The following TRABD2B variants were observed in gnomAD, a reference collection of about 807,000 sequenced individuals.
TRABD2B encodes the protein TraB domain containing 2B.
A neutral mutation model predicts 40.1 loss-of-function variants in TRABD2B; 14 were observed. The observed-to-expected ratio is 0.35, with a 90% CI of 0.23 to 0.55. The LOEUF (loss-of-function observed/expected upper bound fraction) is 0.55, where lower values mean the gene tolerates loss of function less well. TRABD2B is among the 20% of genes least tolerant of loss of function. The pLI, the probability that TRABD2B is intolerant of heterozygous loss-of-function variation, is 0.90. For missense variants in TRABD2B, 541 were observed against 648.6 expected (o/e 0.83, Z 1.80); for synonymous variants, 263 against 277.0 (o/e 0.95, Z 0.50).
At chr1:47,962,990 C>G (rs550495209) in intron 2 of TRABD2B, among the ~76,000 whole-genome samples, 1 of 152,348 alleles carries the variant, frequency 6.6e-6, no homozygotes, top group Admixed American at 6.5e-5. Context: ...TGGTTTACCT[C>G]TGAGTTGGAA....
chr1:47,911,052 C>T (rs571445267), intron 2 of TRABD2B, among the ~76,000 whole-genome samples: 46 of 152,330 alleles, frequency 3.0e-4, no homozygotes, highest in African/African-American at 9.4e-4. Flanking sequence ...TGAAAGGAGC[C>T]TGAACCCTCC....
intron 2 of TRABD2B, among the ~76,000 whole-genome samples, chr1:47,971,086 T>C (rs926632493): frequency 6.6e-6 from 1 of 152,220 alleles, no homozygotes; most frequent in Non-Finnish European, 1.5e-5. Flanking sequence ...CTAATGAAAT[T>C]TGATAGCACG....
At chr1:47,991,942 T>C (rs1446301428) in intron 2 of TRABD2B, among the ~76,000 whole-genome samples, 1 of 152,154 alleles carries the variant, frequency 6.6e-6, no homozygotes, top group African/African-American at 2.4e-5. Context: ...GGCTCCAGAA[T>C]CCCACCCTTC....
intron 2 of TRABD2B, among the ~76,000 whole-genome samples, chr1:47,947,054 C>T (rs1645269243): frequency 6.6e-6 from 1 of 151,992 alleles, no homozygotes; most frequent in Non-Finnish European, 1.5e-5. Context: ...TTTGTTGCAA[C>T]CCTGTTATGC....
chr1:47,935,864 C>T (rs781710135), intron 2 of TRABD2B, among the ~76,000 whole-genome samples: 20 of 152,168 alleles, frequency 1.3e-4, no homozygotes, highest in Non-Finnish European at 2.1e-4. Context: ...GGAAATAAAG[C>T]CACAGAAAAA....
intron 2 of TRABD2B, among the ~76,000 whole-genome samples, chr1:47,896,415 T>C (rs1051128277): frequency 6.6e-6 from 1 of 152,180 alleles, no homozygotes; most frequent in Non-Finnish European, 1.5e-5. Context: ...ACACTGATGA[T>C]GCAGACCCTG....
intron 2 of TRABD2B, among the ~76,000 whole-genome samples, chr1:47,826,550 C>T (rs778740163): frequency 3.0e-4 from 46 of 152,052 alleles, no homozygotes; most frequent in Non-Finnish European, 5.6e-4. Flanking sequence ...GGTGAAGGGA[C>T]GTTTCTAGGA....
chr1:47,915,738 G>A (rs987260558), intron 2 of TRABD2B, among the ~76,000 whole-genome samples: 11 of 152,132 alleles, frequency 7.2e-5, no homozygotes, highest in South Asian at 4.1e-4. Context: ...GGCTCCTCTC[G>A]CCTTTGGGGG....
chr1:47,966,263 A>G (rs909449239), intron 2 of TRABD2B, among the ~76,000 whole-genome samples: 3 of 149,644 alleles, frequency 2.0e-5, no homozygotes, highest in African/African-American at 7.3e-5. Flanking sequence ...AGAACCTCCA[A>G]TGTGACTCTG....
chr1:47,974,433 C>G (rs1281475443), intron 2 of TRABD2B, among the ~76,000 whole-genome samples: 2 of 152,154 alleles, frequency 1.3e-5, no homozygotes, highest in Non-Finnish European at 2.9e-5. Flanking sequence ...CCAAGGACAC[C>G]AAGCATCTGT....
At chr1:47,972,603 C>A (rs559617393) in intron 2 of TRABD2B, among the ~76,000 whole-genome samples, 1 of 152,270 alleles carries the variant, frequency 6.6e-6, no homozygotes, top group East Asian at 1.9e-4. Flanking sequence ...TACCAGAACC[C>A]GAACATGCTG....
intron 2 of TRABD2B, among the ~76,000 whole-genome samples, chr1:47,831,977 G>C (rs1391333407): frequency 6.6e-6 from 1 of 152,202 alleles, no homozygotes; most frequent in Admixed American, 6.5e-5. Context: ...CTATGGTCTG[G>C]AGCTTATGTT....
chr1:47,791,478 T>C (rs1455400235), intron 4 of TRABD2B, among the ~76,000 whole-genome samples: 5 of 152,184 alleles, frequency 3.3e-5, no homozygotes, highest in Non-Finnish European at 7.3e-5. Flanking sequence ...CCTGGTAGTA[T>C]AGACCCTTCC....
intron 2 of TRABD2B, among the ~76,000 whole-genome samples, chr1:47,822,408 C>A (rs891897918): frequency 3.9e-5 from 6 of 152,216 alleles, no homozygotes; most frequent in Admixed American, 2.6e-4. Context: ...CTCAAACAGG[C>A]TTTTCAGTAC....
chr1:47,824,772 C>T (rs538186453), intron 2 of TRABD2B, among the ~76,000 whole-genome samples: 4 of 152,144 alleles, frequency 2.6e-5, no homozygotes, highest in Admixed American at 6.6e-5. Flanking sequence ...CCATTGTTTC[C>T]GGGCCCAGAG....
chr1:47,876,022 C>T (rs1159233882), intron 2 of TRABD2B, among the ~76,000 whole-genome samples: 1 of 152,218 alleles, frequency 6.6e-6, no homozygotes, highest in Non-Finnish European at 1.5e-5. Context: ...CCAAGACAGA[C>T]AGATATATTT....
At chr1:47,861,666 C>G (rs1217083967) in intron 2 of TRABD2B, among the ~76,000 whole-genome samples, 1 of 152,202 alleles carries the variant, frequency 6.6e-6, no homozygotes, top group African/African-American at 2.4e-5. Context: ...GATGGATTCA[C>G]TAGTGAATTC....
At chr1:47,969,555 T>G (rs1428314088) in intron 2 of TRABD2B, among the ~76,000 whole-genome samples, 1 of 152,168 alleles carries the variant, frequency 6.6e-6, no homozygotes. Flanking sequence ...AAAGTCACAC[T>G]TTAGAAACTT....
chr1:47,845,597 A>T (rs11806401), intron 2 of TRABD2B, among the ~76,000 whole-genome samples: 23 of 152,186 alleles, frequency 1.5e-4, no homozygotes, highest in African/African-American at 5.6e-4. Context: ...ATTAATGACA[A>T]TGAGAAGAAA....
Sources: allele counts gnomAD v4.1 joint callset (sites outside exome capture counted in the v4.1 genomes callset), GRCh38; gene constraint gnomAD v4.1.1; transcripts MANE v1.5; gene names NCBI Gene and HGNC (gene_info 2026-07-23, HGNC 2026-07-21).